RASSF3: variants seen among roughly 807,000 people sequenced by gnomAD.
The protein encoded by RASSF3 is ras association domain-containing protein 3.
Under a neutral mutation model 19.9 loss-of-function variants are expected in RASSF3, and 19 were observed. The observed-to-expected ratio is 0.96, with a 90% CI of 0.67 to 1.40. RASSF3 has a LOEUF of 1.40. RASSF3 is among the 40% of genes most tolerant of loss of function. The probability of loss-of-function intolerance (pLI) is 0.00; values close to 1 mark genes in which losing one functional copy is unlikely to be tolerated. For missense variants in RASSF3, 306 were observed against 289.8 expected, an observed-to-expected ratio of 1.06 and a Z score of -0.41; for synonymous variants, 110 against 104.2, an observed-to-expected ratio of 1.06 and a Z score of -0.34.
At chr12:64,655,882 C>G (rs932515550) in intron 1 of RASSF3, among the ~76,000 whole-genome samples, 2 of 151,674 alleles carry the variant, frequency 1.3e-5, no homozygotes, top group African/African-American at 4.8e-5. Context: ...TGAAAATTAG[C>G]CGGGCGTGAT....
chr12:64,512,332 G>A (rs138810978), intron 1 of RASSF3, among the ~76,000 whole-genome samples: 1 of 152,184 alleles, frequency 6.6e-6, no homozygotes, highest in African/African-American at 2.4e-5. Flanking sequence ...GCAAATAAAT[G>A]ATCAGCCGGG....
chr12:64,610,852 C>T (rs1870329172), intron 1 of RASSF3, 109 bp downstream of exon 1: 5 of 565,844 alleles, frequency 8.8e-6, no homozygotes, highest in Non-Finnish European at 1.5e-5. Context: ...GGGGGATGCT[C>T]GCCGGGAAGG....
At chr12:64,656,166 ATG>A (rs941054824) in intron 1 of RASSF3, among the ~76,000 whole-genome samples, 87 of 152,282 alleles carry the variant, frequency 5.7e-4, no homozygotes, top group African/African-American at 2.0e-3. Flanking sequence ...TTTGTGATAT[ATG>A]TATATATGCA....
chr12:64,593,300 C>T (rs1316921449), intron 2 of RASSF3, among the ~76,000 whole-genome samples: 1 of 152,216 alleles, frequency 6.6e-6, no homozygotes, highest in East Asian at 1.9e-4. Context: ...CAGCTCACTG[C>T]AACCTCCGCT....
intron 1 of RASSF3, among the ~76,000 whole-genome samples, chr12:64,680,224 A>G (rs183191383): frequency 6.6e-6 from 1 of 152,250 alleles, no homozygotes; most frequent in East Asian, 1.9e-4. Context: ...GGGGTAAACA[A>G]TTGGAAAGTT....
intron 2 of RASSF3, among the ~76,000 whole-genome samples, chr12:64,562,196 G>A (rs890426858): frequency 1.2e-4 from 18 of 151,724 alleles, no homozygotes; most frequent in African/African-American, 2.7e-4. Flanking sequence ...GTGCGCCACC[G>A]CACCCAGCTA....
intron 2 of RASSF3, chr12:64,598,982 G>C (rs2136144352): frequency 1.3e-5 from 2 of 149,016 alleles, no homozygotes; most frequent in South Asian, 4.2e-4. Flanking sequence ...TCTCTGCCTT[G>C]TGTTTGTGAT....
chr12:64,643,993 T>C (rs1452449745), intron 1 of RASSF3, among the ~76,000 whole-genome samples: 3 of 152,226 alleles, frequency 2.0e-5, no homozygotes, highest in Non-Finnish European at 2.9e-5. Context: ...GTTAATCTTA[T>C]TGTGGTATTT....
At chr12:64,550,785 C>T (rs1869145513) in intron 2 of RASSF3, among the ~76,000 whole-genome samples, 1 of 130,104 alleles carries the variant, frequency 7.7e-6, no homozygotes, top group African/African-American at 2.9e-5. Context: ...CTAGCCACTG[C>T]AGTCCAGCCT....
At chr12:64,669,249 G>A (rs1227926445) in intron 1 of RASSF3, among the ~76,000 whole-genome samples, 1 of 152,152 alleles carries the variant, frequency 6.6e-6, no homozygotes, top group Non-Finnish European at 1.5e-5. Context: ...AGTTCCTAGG[G>A]GAGGAAATTG....
At chr12:64,631,073 T>C (rs1405323552) in intron 1 of RASSF3, among the ~76,000 whole-genome samples, 3 of 152,070 alleles carry the variant, frequency 2.0e-5, no homozygotes, top group Non-Finnish European at 2.9e-5. Context: ...AGATGAACTA[T>C]GTGTGTAAAG....
At chr12:64,528,875 C>A (rs528375223), upstream of RASSF3, among the ~76,000 whole-genome samples, 27 of 152,352 alleles carry the variant, frequency 1.8e-4, no homozygotes, top group South Asian at 2.1e-3. Context: ...GGAGCACAAG[C>A]TTTAGCGTCA....
intron 1 of RASSF3, among the ~76,000 whole-genome samples, chr12:64,623,645 T>A (rs1870874116): frequency 6.6e-6 from 1 of 152,098 alleles, no homozygotes; most frequent in South Asian, 2.1e-4. Context: ...AGAATTTTAT[T>A]TTCTTTTATT....
chr12:64,641,673 G>A (rs1216361145), intron 1 of RASSF3, among the ~76,000 whole-genome samples: 1 of 151,320 alleles, frequency 6.6e-6, no homozygotes, highest in Non-Finnish European at 1.5e-5. Flanking sequence ...GACTCCTAGG[G>A]GGCATTTAAG....
chr12:64,651,941 A>G (rs1278799112), intron 1 of RASSF3, among the ~76,000 whole-genome samples: 1 of 152,204 alleles, frequency 6.6e-6, no homozygotes, highest in Non-Finnish European at 1.5e-5. Context: ...GATAACAGAC[A>G]TGAGCCACCT....
intron 2 of RASSF3, among the ~76,000 whole-genome samples, chr12:64,589,400 AG>A (rs1443109208): frequency 6.6e-6 from 1 of 152,180 alleles, no homozygotes; most frequent in Non-Finnish European, 1.5e-5. Flanking sequence ...CAGTGAGCCA[AG>A]ATTGTGCCAC....
intron 1 of RASSF3, among the ~76,000 whole-genome samples, chr12:64,682,289 G>A (rs1873156148): frequency 6.6e-6 from 1 of 152,080 alleles, no homozygotes; most frequent in Non-Finnish European, 1.5e-5. Context: ...TAGGCCGGGC[G>A]CCACGAGATA....
intron 2 of RASSF3, among the ~76,000 whole-genome samples, chr12:64,586,838 G>A (rs1054182299): frequency 2.6e-5 from 4 of 151,208 alleles, no homozygotes; most frequent in South Asian, 2.1e-4. Context: ...CAGGAGAATC[G>A]CTTGAACACG....
At chr12:64,572,015 C>T (rs1869526412) in intron 2 of RASSF3, among the ~76,000 whole-genome samples, 1 of 152,198 alleles carries the variant, frequency 6.6e-6, no homozygotes, top group Non-Finnish European at 1.5e-5. Flanking sequence ...ATAAGCTACT[C>T]CTTACCTGGG....
Sources: gnomAD v4.1 joint callset for allele counts (sites outside exome capture counted in the v4.1 genomes callset) on GRCh38, gnomAD v4.1.1 for gene constraint, MANE v1.5 for transcripts, NCBI Gene and HGNC (gene_info 2026-07-23, HGNC 2026-07-21) for gene names.